The following THSD7B variants were observed in gnomAD, a reference collection of about 807,000 sequenced individuals.
THSD7B encodes thrombospondin type 1 domain containing 7B.
A neutral mutation model predicts 213.6 loss-of-function variants in THSD7B; 138 were observed. The observed-to-expected ratio is 0.65, with a 90% CI of 0.56 to 0.74. The LOEUF is 0.74. Ranked by LOEUF, THSD7B falls within the 30% of genes least tolerant of loss-of-function variation. The pLI, the probability that THSD7B is intolerant of heterozygous loss-of-function variation, is 0.00. For missense variants in THSD7B, 1,931 were observed against 1,991.5 expected (o/e 0.97, Z 0.58); for synonymous variants, 742 against 687.0 (o/e 1.08, Z -1.25).
chr2:136,862,152 TA>T (rs1220783704), intron 1 of THSD7B, among the ~76,000 whole-genome samples: 4 of 152,182 alleles, frequency 2.6e-5, no homozygotes, highest in Non-Finnish European at 4.4e-5. Context: ...AATTTCCCAT[TA>T]GGGGTGGGAC....
At chr2:137,582,150 A>C (rs1681594962) in intron 17 of THSD7B, among the ~76,000 whole-genome samples, 1 of 149,738 alleles carries the variant, frequency 6.7e-6, no homozygotes, top group Non-Finnish European at 1.5e-5. Context: ...ATTAAATTCT[A>C]TTTAGTTTAT....
chr2:137,411,384 CAAACATT>C (rs1686647591), intron 13 of THSD7B, among the ~76,000 whole-genome samples: 1 of 152,242 alleles, frequency 6.6e-6, no homozygotes, highest in Non-Finnish European at 1.5e-5. Flanking sequence ...ATGCCACTCT[CAAACATT>C]AAACCATTTT....
rs1685492293 is a variant in THSD7B, at chr2:136,977,024, A to G, written c.140-79396A>G. The stretch of plus-strand genomic sequence containing the variant: ...AGTCCCTCCTTTTAAATTGTTTGAA[A>G]TAGTTTCAGAAGAAATGGTACCAGC... On this transcript the variant is annotated intron_variant, in intron 2 of 27. Coordinates refer to ENST00000409968, the MANE Select transcript of THSD7B (RefSeq NM_001316349.2). 2.0e-5 allele frequency among the ~76,000 whole-genome samples: 3 copies of G among 152,172 alleles called. No homozygotes were observed. The South Asian group carries it at 6.2e-4, about 31-fold the overall frequency.
At chr2:136,902,543 A>G (rs1410157830) in intron 2 of THSD7B, among the ~76,000 whole-genome samples, 1 of 152,182 alleles carries the variant, frequency 6.6e-6, no homozygotes, top group East Asian at 1.9e-4. Context: ...TTGCATTCTA[A>G]GTGTGGTTCA....
chr2:137,052,492 T>C (rs1472364210), intron 2 of THSD7B, among the ~76,000 whole-genome samples: 1 of 152,036 alleles, frequency 6.6e-6, no homozygotes, highest in Non-Finnish European at 1.5e-5. Context: ...TTTAAAAACA[T>C]AGTTTCTTAT....
At chr2:137,105,967 T>A (rs1688240124) in intron 4 of THSD7B, among the ~76,000 whole-genome samples, 1 of 152,172 alleles carries the variant, frequency 6.6e-6, no homozygotes, top group Admixed American at 6.5e-5. Flanking sequence ...ATGGCCATAC[T>A]GCCCAAAGTA....
chr2:137,084,255 C>G (rs923953406), intron 3 of THSD7B, among the ~76,000 whole-genome samples: 2 of 151,890 alleles, frequency 1.3e-5, no homozygotes, highest in African/African-American at 2.4e-5. Context: ...ACTTACATGA[C>G]AGTGAAATAA....
At chr2:137,534,428 A>T (rs1025183539) in intron 15 of THSD7B, among the ~76,000 whole-genome samples, 7 of 151,448 alleles carry the variant, frequency 4.6e-5, no homozygotes, top group African/African-American at 1.5e-4. Flanking sequence ...GAATATATAT[A>T]TTTTTTTCCA....
chr2:137,671,382 T>C (rs555786479), intron 27 of THSD7B, among the ~76,000 whole-genome samples: 74 of 152,288 alleles, frequency 4.9e-4, no homozygotes, highest in Non-Finnish European at 9.7e-4. Flanking sequence ...ATTAGGGCAC[T>C]ATATTAATCC....
intron 1 of THSD7B, among the ~76,000 whole-genome samples, chr2:136,867,256 C>T (rs535813365): frequency 5.3e-5 from 8 of 152,288 alleles, no homozygotes; most frequent in South Asian, 2.1e-4. Flanking sequence ...CAGGCTATGA[C>T]CTTGGCTGTC....
Position 136,882,177 on chromosome 2 carries a change from G to C in THSD7B, c.-2G>C. 6.7e-7 allele frequency: 1 copy of C among 1,499,626 alleles called. No homozygotes were observed. Among genetic ancestry groups the C allele is most frequent in the Admixed American group, 2.4e-5 (1 of 42,022 alleles). The allele number at this position is 1,499,626 out of a possible 1,614,324, so 92.9% of individuals were successfully genotyped here. A position where few individuals can be genotyped will look rare whatever the true frequency, so the allele number is the denominator to read the frequency against. On this transcript the variant is annotated 5_prime_UTR_variant, in exon 2 of 28. Coordinates refer to ENST00000409968, the MANE Select transcript of THSD7B (RefSeq NM_001316349.2). Reference sequence around the variant, plus strand: ...AAGTCAAGAGGCTGAAAAATCTGAAGCATGTTTCCAAAGAGCAACCTAACA... The same window carrying C: ...AAGTCAAGAGGCTGAAAAATCTGAACCATGTTTCCAAAGAGCAACCTAACA...
chr2:137,063,545 C>G (rs1687318847), intron 3 of THSD7B, among the ~76,000 whole-genome samples: 1 of 151,996 alleles, frequency 6.6e-6, no homozygotes, highest in East Asian at 1.9e-4. Context: ...CAGTTATACT[C>G]AGCTATTTTA....
At chr2:136,960,227 A>G (rs1174941027) in intron 2 of THSD7B, among the ~76,000 whole-genome samples, 1 of 152,144 alleles carries the variant, frequency 6.6e-6, no homozygotes, top group East Asian at 1.9e-4. Flanking sequence ...TCCCAGGCTC[A>G]AGTGATCCCC....
At chr2:137,175,940 A>T (rs1164259416) in intron 7 of THSD7B, among the ~76,000 whole-genome samples, 3 of 152,198 alleles carry the variant, frequency 2.0e-5, no homozygotes, top group Non-Finnish European at 2.9e-5. Flanking sequence ...ATTCACCAGA[A>T]TTCTAAAGAG....
intron 15 of THSD7B, among the ~76,000 whole-genome samples, chr2:137,558,492 G>A (rs1335275208): frequency 6.6e-6 from 1 of 151,992 alleles, no homozygotes; most frequent in East Asian, 1.9e-4. Context: ...ATGCAGAAAA[G>A]GCCTTCAACA....
At chr2:137,630,594 A>G (rs77960924) in intron 20 of THSD7B, among the ~76,000 whole-genome samples, 1 of 152,224 alleles carries the variant, frequency 6.6e-6, no homozygotes, top group Admixed American at 6.5e-5. Flanking sequence ...CAAACAGTAA[A>G]TGAATAGCAG....
chr2:137,491,591 T>G (rs1176861090), intron 15 of THSD7B, among the ~76,000 whole-genome samples: 1 of 152,186 alleles, frequency 6.6e-6, no homozygotes, highest in African/African-American at 2.4e-5. Flanking sequence ...GGAGAGAGGT[T>G]TAGATTGGGG....
intron 10 of THSD7B, among the ~76,000 whole-genome samples, chr2:137,269,045 A>G (rs191080343): frequency 1.3e-5 from 2 of 152,188 alleles, no homozygotes; most frequent in African/African-American, 4.8e-5. Context: ...ATGCACACAC[A>G]TACACACACA....
rs150501295 is a variant in THSD7B, at chr2:137,115,332, T to C, written c.1369+39T>C. 172 of 1,463,856 alleles carry C rather than the reference T, an allele frequency of 1.2e-4. No homozygotes were observed. The African/African-American group carries it at 2.2e-3, about 19-fold the overall frequency. 90.7% of individuals were successfully genotyped at this position (1,463,856 alleles called of 1,614,324 possible). ...TCCGGGACAGATGGTGCACTGCTGGTTGGAAGGAAAATCTCTCCAACTCTC... is the reference window on the plus strand; with the variant it reads ...TCCGGGACAGATGGTGCACTGCTGGCTGGAAGGAAAATCTCTCCAACTCTC... On this transcript the variant is annotated intron_variant, in intron 5 of 27. Transcript: ENST00000409968.
Sources: allele counts gnomAD v4.1 joint callset (sites outside exome capture counted in the v4.1 genomes callset), GRCh38; gene constraint gnomAD v4.1.1; transcripts MANE v1.5; gene names NCBI Gene and HGNC (gene_info 2026-07-23, HGNC 2026-07-21).